TRAK1: variants seen among roughly 807,000 people sequenced by gnomAD.
TRAK1 encodes trafficking kinesin protein 1.
Under a neutral mutation model 92.1 loss-of-function variants are expected in TRAK1, and 33 were observed. The observed-to-expected ratio is 0.36, with a 90% CI of 0.27 to 0.48. The LOEUF (loss-of-function observed/expected upper bound fraction) is 0.48. Among genes scored for constraint, TRAK1 ranks in the 20% least tolerant of loss-of-function variants. TRAK1 has a pLI of 0.99. For synonymous variants in TRAK1, 521 were observed against 517.3 expected, an observed-to-expected ratio of 1.01 and a Z score of -0.10; for missense variants, 1,123 against 1,257.9, an observed-to-expected ratio of 0.89 and a Z score of 1.62.
chr3:42,029,229 T>G (rs1702025322), intron 1 of TRAK1, among the ~76,000 whole-genome samples: 3 of 152,140 alleles, frequency 2.0e-5, no homozygotes, highest in Admixed American at 6.5e-5. Context: ...CAACATGAGA[T>G]TTGGGCGGGG....
chr3:42,165,989 G>A lies in TRAK1; in HGVS notation c.287-10825G>A, dbSNP rs559230712. ...TCTGCCCATTTCTGGGGCCTGTCCC[G>A]TGTCCCTCTGCCATCCCCAGCTTTC... On this transcript the variant is annotated intron_variant, in intron 2 of 15. Transcript: ENST00000327628. 1.4e-4 allele frequency among the ~76,000 whole-genome samples: 21 copies of A among 152,138 alleles called. No individual in the cohort carries two copies. In the East Asian group the frequency reaches 3.7e-3, roughly 27 times the overall value.
intron 1 of TRAK1, among the ~76,000 whole-genome samples, chr3:42,015,807 C>T (rs1333396467): frequency 6.6e-6 from 1 of 152,128 alleles, no homozygotes; most frequent in Admixed American, 6.5e-5. Flanking sequence ...GAGGCTGAGG[C>T]AGGTGGATCA....
chr3:42,136,896 T>G (rs1294031221), intron 2 of TRAK1, among the ~76,000 whole-genome samples: 1 of 152,164 alleles, frequency 6.6e-6, no homozygotes, highest in Non-Finnish European at 1.5e-5. Flanking sequence ...TTGGCCAGGC[T>G]GGTCTCAAAC....
chr3:42,158,949 ACT>A (rs1459147760), intron 2 of TRAK1, among the ~76,000 whole-genome samples: 1 of 140,052 alleles, frequency 7.1e-6, no homozygotes, highest in East Asian at 2.1e-4. Flanking sequence ...ACAAAGCAAG[ACT>A]CTGTCTCAAA....
At chr3:42,154,733 A>G (rs1700349647) in intron 2 of TRAK1, among the ~76,000 whole-genome samples, 1 of 152,074 alleles carries the variant, frequency 6.6e-6, no homozygotes, top group Admixed American at 6.6e-5. Flanking sequence ...GCCCAGCCTT[A>G]TTTGTTTATT....
intron 2 of TRAK1, among the ~76,000 whole-genome samples, chr3:42,168,993 T>C (rs1194643438): frequency 2.0e-5 from 3 of 152,116 alleles, no homozygotes; most frequent in Non-Finnish European, 4.4e-5. Flanking sequence ...CCGGCTAATT[T>C]TTGTATTTTT....
rs1003518220 is a variant in TRAK1 at position 42,202,304 on chromosome 3, A to G, written c.1428-132A>G. Reference sequence around the variant, plus strand: ...ATTTCCCCCTGTTGCCTAAATGTCAACTGCTTGCCTTGGTTCCCATGGAGA... The same window carrying G: ...ATTTCCCCCTGTTGCCTAAATGTCAGCTGCTTGCCTTGGTTCCCATGGAGA... On this transcript the variant is annotated intron_variant, in intron 12 of 15. Coordinates refer to ENST00000327628, the MANE Select transcript of TRAK1 (RefSeq NM_001042646.3). The surrounding 1 kb of genome is among the most constrained non-coding windows in gnomAD (Gnocchi z 6.1). 7.9e-6 allele frequency: 8 copies of G among 1,010,976 alleles called. No individual in the cohort carries two copies. Among genetic ancestry groups the G allele is most frequent in the East Asian group, 6.0e-5 (2 of 33,262 alleles). The allele number at this position is 1,010,976 out of a possible 1,614,324, so 62.6% of individuals were successfully genotyped here.
intron 1 of TRAK1, among the ~76,000 whole-genome samples, chr3:42,080,476 A>G (rs999317178): frequency 3.3e-5 from 5 of 152,188 alleles, no homozygotes; most frequent in African/African-American, 1.2e-4. Flanking sequence ...AGAATTCAGT[A>G]AACTAAACAG....
upstream of TRAK1, among the ~76,000 whole-genome samples, chr3:42,090,680 C>CAA (rs1205513758): frequency 1.2e-4 from 18 of 151,990 alleles, no homozygotes; most frequent in African/African-American, 4.1e-4. Flanking sequence ...GAGACTCTCT[C>CAA]AAAAAAACAA....
At chr3:42,162,500 C>T (rs1030180488) in intron 2 of TRAK1, among the ~76,000 whole-genome samples, 3 of 151,930 alleles carry the variant, frequency 2.0e-5, no homozygotes, top group African/African-American at 7.3e-5. Flanking sequence ...CTTGAGACAC[C>T]ATAGATAATG....
chr3:42,052,019 C>G (rs189317915), intron 1 of TRAK1, among the ~76,000 whole-genome samples: 1 of 152,288 alleles, frequency 6.6e-6, no homozygotes, highest in East Asian at 1.9e-4. Context: ...TAGCATGTGA[C>G]CAGCTTTTGA....
intron 1 of TRAK1, among the ~76,000 whole-genome samples, chr3:42,031,408 C>T (rs1374222200): frequency 6.6e-6 from 1 of 151,708 alleles, no homozygotes; most frequent in Non-Finnish European, 1.5e-5. Flanking sequence ...GTAATCCCAG[C>T]ACTTTGGGAG....
chr3:42,032,263 T>C (rs1305654130), intron 1 of TRAK1, among the ~76,000 whole-genome samples: 11 of 151,942 alleles, frequency 7.2e-5, no homozygotes, highest in Non-Finnish European at 1.5e-5. Context: ...ACACGGAGAG[T>C]TGGGCTTGTT....
At position 42,073,789 on chromosome 3, in the gene TRAK1, G is replaced by C. The variant is rs139082780; in HGVS notation, c.-518-13315G>C. On this transcript the variant is annotated intron_variant, in intron 1 of 16. Coordinates refer to the TRAK1 transcript ENST00000487159. ...TTAAGGAGCTGACCCGGACTGATGG[G>C]CGTGCCAGAAAGGTCAAATGAGGTA... 4.7e-3 allele frequency among the ~76,000 whole-genome samples: 715 copies of C among 152,298 alleles called. 4 individuals carry two copies. The highest frequency in any genetic ancestry group is 0.016 in the African/African-American group (663 of 41,562).
intron 1 of TRAK1, among the ~76,000 whole-genome samples, chr3:42,027,282 G>A (rs1701956068): frequency 6.6e-6 from 1 of 152,172 alleles, no homozygotes; most frequent in Non-Finnish European, 1.5e-5. Flanking sequence ...CCAGCACTTT[G>A]GGAGGCCGAG....
intron 1 of TRAK1, among the ~76,000 whole-genome samples, chr3:42,061,646 C>T (rs548663262): frequency 5.1e-4 from 78 of 152,172 alleles, no homozygotes; most frequent in African/African-American, 1.6e-3. Context: ...AATTCCATTC[C>T]GTGCAAGTAC....
intron 2 of TRAK1, among the ~76,000 whole-genome samples, chr3:42,158,872 T>A (rs886725273): frequency 8.7e-5 from 13 of 149,390 alleles, no homozygotes; most frequent in Admixed American, 8.0e-4. Flanking sequence ...GGCAGGAGAA[T>A]GGTGTGAACC....
At chr3:42,152,766 A>T (rs567446312) in intron 2 of TRAK1, among the ~76,000 whole-genome samples, 1 of 152,328 alleles carries the variant, frequency 6.6e-6, no homozygotes, top group South Asian at 2.1e-4. Context: ...TTTCAAAAGG[A>T]CTTGGGTTCA....
chr3:42,218,310 A>G (rs1709934724), intron 14 of TRAK1: 1 of 985,216 alleles, frequency 1.0e-6, no homozygotes, highest in African/African-American at 1.7e-5. Context: ...GAGAAAATAT[A>G]CCATAAGGAG....
Sources: gnomAD v4.1 joint callset for allele counts (sites outside exome capture counted in the v4.1 genomes callset) on GRCh38, gnomAD v4.1.1 for gene constraint, Gnocchi (gnomAD v3.1) non-coding constraint, MANE v1.5 for transcripts, NCBI Gene and HGNC (gene_info 2026-07-23, HGNC 2026-07-21) for gene names.